ARID4B: variants seen among roughly 807,000 people sequenced by gnomAD.
ARID4B encodes AT-rich interactive domain-containing protein 4B.
A neutral mutation model predicts 147.5 loss-of-function variants in ARID4B; 26 were observed. The observed-to-expected ratio is 0.18, with a 90% CI of 0.13 to 0.24. The LOEUF (loss-of-function observed/expected upper bound fraction) is 0.24, where lower values mean the gene tolerates loss of function less well. Ranked by LOEUF, ARID4B falls within the 10% of genes least tolerant of loss-of-function variation. The pLI is 1.00. For synonymous variants in ARID4B, 512 were observed against 507.9 expected, an observed-to-expected ratio of 1.01 and a Z score of -0.11; for missense variants, 1,179 against 1,511.5, an observed-to-expected ratio of 0.78 and a Z score of 3.65.
intron 2 of ARID4B, among the ~76,000 whole-genome samples, chr1:235,317,115 T>TTTCTG (rs1674493622): frequency 6.6e-6 from 1 of 152,188 alleles, no homozygotes; most frequent in Non-Finnish European, 1.5e-5. Flanking sequence ...AACAATATAA[T>TTTCTG]AAAAATTTTT....
At chr1:235,208,876 A>T (rs1352052060) in intron 17 of ARID4B, among the ~76,000 whole-genome samples, 1 of 152,212 alleles carries the variant, frequency 6.6e-6, no homozygotes, top group Non-Finnish European at 1.5e-5. Flanking sequence ...TATTTTTAGA[A>T]GAGTTTAAAA....
chr1:235,219,910 ACTT>A lies in ARID4B; in HGVS notation c.1463_1465del (p.Glu488del). 2 of 1,594,224 alleles carry A rather than the reference ACTT, an allele frequency of 1.3e-6. No homozygotes were observed. The highest frequency in any genetic ancestry group is 1.7e-6 in the Non-Finnish European group (2 of 1,164,590). On this transcript the variant is annotated inframe_deletion, in exon 16 of 24. Coordinates refer to ENST00000264183, the MANE Select transcript of ARID4B (RefSeq NM_016374.6). ...ATTGTCTTCTGGTTTTTTAATGTTA[ACTT>A]CTTTTTCCTGATCAGAATGTGTAGG...
In ARID4B at chr1:235,240,326, C is replaced by A. The variant is rs1194463337; in HGVS notation, c.572G>T (p.Trp191Leu). Residue 191 changes from tryptophan to leucine, a missense_variant, in exon 8 of 24, where the codon TGG (tryptophan) becomes TTG (leucine). Around this residue, in one of 10 missense-constraint regions of ARID4B, gnomAD observed 159 missense variants for 190.5 expected, o/e 0.83. Transcript: ENST00000264183. ...GAAGCTACTCACCAATGCAGGAAACCACAGTGCTTTCTTTTTATCCAAACT... is the reference window on the plus strand; with the variant it reads ...GAAGCTACTCACCAATGCAGGAAACAACAGTGCTTTCTTTTTATCCAAACT... ...YISLDKKKAL[W>L]FPALVVCPDC... 4.3e-6 allele frequency: 7 copies of A among 1,612,750 alleles called. No homozygotes were observed. The highest frequency in any genetic ancestry group is 5.9e-6 in the Non-Finnish European group (7 of 1,179,354).
intron 8 of ARID4B, among the ~76,000 whole-genome samples, chr1:235,235,834 C>A (rs1454924109): frequency 6.6e-6 from 1 of 152,034 alleles, no homozygotes; most frequent in Non-Finnish European, 1.5e-5. Context: ...TAGGATTAAA[C>A]AATACTACTT....
chr1:235,181,367 C>T (rs1246446813), intron 20 of ARID4B: 1 of 703,728 alleles, frequency 1.4e-6, no homozygotes, highest in Non-Finnish European at 2.2e-6. Flanking sequence ...CAATAAAATG[C>T]CATGGATGGC....
At chr1:235,312,154 C>T (rs777671895) in intron 2 of ARID4B, among the ~76,000 whole-genome samples, 7 of 151,906 alleles carry the variant, frequency 4.6e-5, no homozygotes, top group African/African-American at 7.3e-5. Context: ...GGCGTGGTGG[C>T]GCGCACCTGT....
intron 9 of ARID4B, among the ~76,000 whole-genome samples, chr1:235,232,036 C>T (rs1193540172): frequency 1.3e-5 from 2 of 152,060 alleles, no homozygotes; most frequent in African/African-American, 4.8e-5. Context: ...AGGGAGCTGA[C>T]TGGAAAAAAC....
rs759287378 is a variant in ARID4B at position 235,260,652 on chromosome 1, A to G, written c.107T>C (p.Val36Ala). The change falls in exon 3 of 24, where the codon GTC becomes GCC. Residue 36 changes from valine to alanine, a missense_variant. Around this residue, in one of 10 missense-constraint regions of ARID4B, gnomAD observed 56 missense variants for 99.2 expected, o/e 0.56. Coordinates refer to ENST00000264183, the MANE Select transcript of ARID4B (RefSeq NM_016374.6). The stretch of plus-strand genomic sequence containing the variant: ...CTATAAATACTGTACCTTGACTTTG[A>G]CAAGTCTTTTTGCTGTCTTGATCTT... ...EAKIKTAKRLVKVKVTFRHDS... is the reference protein window; with the variant it reads ...EAKIKTAKRLAKVKVTFRHDS... 6.2e-7 allele frequency: 1 copy of G among 1,603,404 alleles called. No individual in the cohort carries two copies. The highest frequency in any genetic ancestry group is 8.5e-7 in the Non-Finnish European group (1 of 1,174,522).
chr1:235,198,356 C>T (rs1665644745), intron 17 of ARID4B, among the ~76,000 whole-genome samples: 1 of 152,130 alleles, frequency 6.6e-6, no homozygotes, highest in South Asian at 2.1e-4. Context: ...TGATATTGCA[C>T]ATTTGTATAT....
intron 2 of ARID4B, among the ~76,000 whole-genome samples, chr1:235,297,139 T>C (rs900291753): frequency 1.3e-5 from 2 of 152,020 alleles, no homozygotes; most frequent in African/African-American, 4.8e-5. Context: ...GAGTAAGTTA[T>C]TGAAAACCGA....
chr1:235,224,455 T>C (rs1667696001), intron 12 of ARID4B, among the ~76,000 whole-genome samples: 1 of 152,170 alleles, frequency 6.6e-6, no homozygotes, highest in Non-Finnish European at 1.5e-5. Flanking sequence ...GGTAAAGGGA[T>C]TGGCAGGACA....
intron 2 of ARID4B, among the ~76,000 whole-genome samples, chr1:235,283,425 A>G (rs995193576): frequency 6.6e-6 from 1 of 152,258 alleles, no homozygotes; most frequent in Non-Finnish European, 1.5e-5. Flanking sequence ...TAAGAAATAC[A>G]CAGGTAAAGA....
Position 235,182,806 on chromosome 1 carries a change from A to AC in ARID4B, c.2126-14_2126-13insG. ...GAACTTTCAGAAGCTAGAAAATAACAGAAAAAAAAATGATGAGTATGATAA... is the reference window on the plus strand; with the variant it reads ...GAACTTTCAGAAGCTAGAAAATAACACGAAAAAAAAATGATGAGTATGATAA... On this transcript the variant is annotated splice_polypyrimidine_tract_variant and intron_variant, in intron 19 of 23. Coordinates refer to ENST00000264183, the MANE Select transcript of ARID4B (RefSeq NM_016374.6). The AC allele has an allele frequency of 6.4e-7, 1 of 1,563,748 alleles. No homozygotes were observed. Among genetic ancestry groups the AC allele is most frequent in the Middle Eastern group, 1.7e-4 (1 of 5,830 alleles).
intron 2 of ARID4B, among the ~76,000 whole-genome samples, chr1:235,319,995 C>A (rs924595760): frequency 6.6e-6 from 1 of 152,032 alleles, no homozygotes; most frequent in African/African-American, 2.4e-5. Flanking sequence ...GACATGGTGG[C>A]ACATGCCTGT....
intron 16 of ARID4B, among the ~76,000 whole-genome samples, chr1:235,217,952 C>T (rs1025519467): frequency 6.6e-6 from 1 of 152,056 alleles, no homozygotes; most frequent in African/African-American, 2.4e-5. Flanking sequence ...TACATACATA[C>T]CTCTGATAAA....
At chr1:235,203,762 C>G (rs1304054896) in intron 17 of ARID4B, among the ~76,000 whole-genome samples, 2 of 151,868 alleles carry the variant, frequency 1.3e-5, no homozygotes, top group African/African-American at 2.4e-5. Context: ...GATTTCCCCA[C>G]CTGAATTAAA....
At chr1:235,294,056 C>T (rs577813689) in intron 2 of ARID4B, among the ~76,000 whole-genome samples, 160 of 152,000 alleles carry the variant, frequency 1.1e-3, no homozygotes, top group Non-Finnish European at 1.6e-3. Flanking sequence ...GTTCCAGTTG[C>T]CTTCTATTGA....
intron 2 of ARID4B, among the ~76,000 whole-genome samples, chr1:235,300,333 C>G (rs1673028608): frequency 6.6e-6 from 1 of 151,956 alleles, no homozygotes. Flanking sequence ...ACAAGAATCA[C>G]TTGAACCCAG....
chr1:235,221,476 G>C, intron 14 of ARID4B, 89 bp downstream of exon 14: 1 of 685,666 alleles, frequency 1.5e-6, no homozygotes. Context: ...TTTCTTTAAA[G>C]AAATAATTAA....
Sources: allele counts gnomAD v4.1 joint callset (sites outside exome capture counted in the v4.1 genomes callset), GRCh38; gene constraint gnomAD v4.1.1; regional missense constraint gnomAD v4.1.1; transcripts MANE v1.5; gene names NCBI Gene and HGNC (gene_info 2026-07-23, HGNC 2026-07-21).